Variants in PDZD2 observed in about 807,000 individuals in gnomAD.
PDZD2 encodes the protein PDZ domain containing 2.
Under a neutral mutation model 220.7 loss-of-function variants are expected in PDZD2, and 90 were observed. The ratio of observed to expected loss-of-function variants is 0.41; its 90% CI spans 0.34 to 0.49. The LOEUF (loss-of-function observed/expected upper bound fraction) is 0.49, where lower values mean the gene tolerates loss of function less well. Ranked by LOEUF, PDZD2 falls within the 20% of genes least tolerant of loss-of-function variation. The probability of loss-of-function intolerance (pLI) is 0.28; values close to 1 mark genes in which losing one functional copy is unlikely to be tolerated. For missense variants in PDZD2, 3,174 were observed against 3,608.5 expected (o/e 0.88, Z 3.08); for synonymous variants, 1,375 against 1,450.5 (o/e 0.95, Z 1.18).
At position 32,092,599 on chromosome 5, in the gene PDZD2, C is replaced by A. The variant is rs143669670; in HGVS notation, c.7728-308C>A. Among the ~76,000 whole-genome samples, 701 of 152,334 alleles carry A rather than the reference C, an allele frequency of 4.6e-3. 9 individuals are homozygous for A. Among genetic ancestry groups the A allele is most frequent in the African/African-American group, 0.016 (667 of 41,576 alleles). On this transcript the variant is annotated intron_variant, in intron 20 of 24. Transcript: ENST00000438447. ...TAAAAATAAAAATATTTCACTTGAACATATGTATTGAATATTTTAAAACAT... is the reference window on the plus strand; with the variant it reads ...TAAAAATAAAAATATTTCACTTGAAAATATGTATTGAATATTTTAAAACAT...
At chr5:31,931,987 G>A (rs1037939392) in intron 2 of PDZD2, among the ~76,000 whole-genome samples, 6 of 152,134 alleles carry the variant, frequency 3.9e-5, no homozygotes, top group Non-Finnish European at 8.8e-5. Flanking sequence ...TGCAGGCCAA[G>A]GTCCTCCCCG....
chr5:31,774,395 A>G (rs189472361), intron 1 of PDZD2, among the ~76,000 whole-genome samples: 192 of 150,352 alleles, frequency 1.3e-3, no homozygotes, highest in Non-Finnish European at 6.9e-4. Context: ...TCACTGTAGA[A>G]AAAAGAAAAC....
At chr5:32,077,413 A>G in intron 18 of PDZD2, 49 bp from the exon 19 acceptor site, 1 of 1,603,104 alleles carries the variant, frequency 6.2e-7, no homozygotes, top group Non-Finnish European at 8.5e-7. Flanking sequence ...CTTACGGTGC[A>G]GAAAGCCTGA....
At chr5:31,946,716 C>CG (rs1746665923) in intron 2 of PDZD2, among the ~76,000 whole-genome samples, 2 of 152,110 alleles carry the variant, frequency 1.3e-5, no homozygotes, top group African/African-American at 4.8e-5. Context: ...TGTTAAGAAA[C>CG]GGTATCGCTC....
At chr5:31,796,701 G>A (rs1754048815) in intron 1 of PDZD2, among the ~76,000 whole-genome samples, 1 of 152,108 alleles carries the variant, frequency 6.6e-6, no homozygotes, top group Non-Finnish European at 1.5e-5. Context: ...ACTAGACTAT[G>A]AATTCCTACA....
At chr5:31,901,958 A>G (rs1742143778) in intron 2 of PDZD2, among the ~76,000 whole-genome samples, 1 of 152,152 alleles carries the variant, frequency 6.6e-6, no homozygotes, top group Non-Finnish European at 1.5e-5. Context: ...TTATCACCAA[A>G]TGGTAGTCCA....
chr5:32,072,205 C>A lies in PDZD2; in HGVS notation c.2613C>A (p.His871Gln). The change falls in exon 17 of 25, where the codon CAC becomes CAA. Residue 871 changes from histidine (H) to glutamine (Q), a missense_variant. Physicochemically the swap from His to Gln is conservative, Grantham distance 24. Around this residue, in one of 4 missense-constraint regions of PDZD2, gnomAD observed 1,861 missense variants for 2,001.0 expected, o/e 0.93. Coordinates refer to ENST00000438447, the MANE Select transcript of PDZD2 (RefSeq NM_178140.4). ...CTGAACTCTCCCAGTACTTTGCCCA[C>A]GATGTCCCTGGCCCCTTGTCAGACT... ...SESELSQYFAHDVPGPLSDFM... is the reference protein window; with the variant it reads ...SESELSQYFAQDVPGPLSDFM... The A allele has an allele frequency of 6.2e-7, 1 of 1,613,182 alleles. No individual in the cohort carries two copies.
chr5:31,950,897 TTGA>T (rs1747117660), intron 2 of PDZD2, among the ~76,000 whole-genome samples: 1 of 152,182 alleles, frequency 6.6e-6, no homozygotes, highest in Admixed American at 6.6e-5. Flanking sequence ...GACTGGGTTG[TTGA>T]TAAACAACAG....
chr5:31,669,836 G>C (rs184690450), intron 1 of PDZD2, among the ~76,000 whole-genome samples: 2 of 152,206 alleles, frequency 1.3e-5, no homozygotes, highest in East Asian at 1.9e-4. Flanking sequence ...AAACATGAAG[G>C]CTGTCTTAAA....
chr5:31,716,541 A>C (rs1475051068), intron 1 of PDZD2, among the ~76,000 whole-genome samples: 1 of 152,146 alleles, frequency 6.6e-6, no homozygotes, highest in Non-Finnish European at 1.5e-5. Context: ...GGTGGTTCAC[A>C]CCTGTAATGC....
chr5:31,663,427 T>C (rs144964151), intron 1 of PDZD2, among the ~76,000 whole-genome samples: 181 of 152,272 alleles, frequency 1.2e-3, no homozygotes, highest in African/African-American at 3.9e-3. Context: ...GTTTAAAAGG[T>C]AATTATAGAA....
intron 6 of PDZD2, among the ~76,000 whole-genome samples, chr5:32,012,689 A>G (rs1753421692): frequency 6.6e-6 from 1 of 151,892 alleles, no homozygotes; most frequent in South Asian, 2.1e-4. Flanking sequence ...CACCTGGCCC[A>G]AAAAAATTTC....
At chr5:32,071,340 G>C in intron 15 of PDZD2, 44 bp from the exon 16 acceptor site, 2 of 1,412,080 alleles carry the variant, frequency 1.4e-6, no homozygotes, top group Non-Finnish European at 2.0e-6. Context: ...TTTGTGACTT[G>C]AGCTTTATTG....
chr5:31,768,026 C>T (rs1580716915), intron 1 of PDZD2, among the ~76,000 whole-genome samples: 1 of 152,232 alleles, frequency 6.6e-6, no homozygotes, highest in African/African-American at 2.4e-5. Context: ...GTCAGCTCTT[C>T]CTTCCAGGAT....
intron 2 of PDZD2, among the ~76,000 whole-genome samples, chr5:31,858,679 G>A (rs1201967327): frequency 6.6e-6 from 1 of 151,976 alleles, no homozygotes; most frequent in Non-Finnish European, 1.5e-5. Context: ...TCAGGTTTTT[G>A]CATTTCTCTT....
At chr5:32,071,040 G>A (rs1740693793) in intron 15 of PDZD2, among the ~76,000 whole-genome samples, 1 of 152,210 alleles carries the variant, frequency 6.6e-6, no homozygotes. Flanking sequence ...GAAGAAGGGA[G>A]ACAAGACACA....
At chr5:31,825,736 G>A (rs1296403812) in intron 2 of PDZD2, among the ~76,000 whole-genome samples, 1 of 152,166 alleles carries the variant, frequency 6.6e-6, no homozygotes, top group Non-Finnish European at 1.5e-5. Context: ...CACCAGCAGA[G>A]CATTTAAGGA....
intron 1 of PDZD2, among the ~76,000 whole-genome samples, chr5:31,752,302 G>A (rs1351444125): frequency 1.3e-5 from 2 of 151,746 alleles, no homozygotes; most frequent in East Asian, 1.9e-4. Context: ...TAATCCCAGC[G>A]CTTTGGGAGG....
chr5:31,833,148 G>C (rs2150272521), intron 2 of PDZD2, among the ~76,000 whole-genome samples: 1 of 152,242 alleles, frequency 6.6e-6, no homozygotes, highest in African/African-American at 2.4e-5. Flanking sequence ...GACACTTGTT[G>C]CTAATATCTT....
Sources: allele counts gnomAD v4.1 joint callset (sites outside exome capture counted in the v4.1 genomes callset), GRCh38; gene constraint gnomAD v4.1.1; regional missense constraint gnomAD v4.1.1; transcripts MANE v1.5; gene names NCBI Gene and HGNC (gene_info 2026-07-23, HGNC 2026-07-21).